RNF38: variants seen among roughly 807,000 people sequenced by gnomAD.
The protein encoded by RNF38 is E3 ubiquitin-protein ligase RNF38.
A neutral mutation model predicts 67.2 loss-of-function variants in RNF38; 15 were observed. The observed-to-expected ratio is 0.22, with a 90% CI of 0.15 to 0.34. RNF38 has a LOEUF of 0.34. RNF38 is among the 10% of genes least tolerant of loss of function. The pLI, the probability that RNF38 is intolerant of heterozygous loss-of-function variation, is 1.00. For missense variants in RNF38, 524 were observed against 639.9 expected (o/e 0.82, Z 1.95); for synonymous variants, 220 against 218.8 (o/e 1.01, Z -0.05).
intron 9 of RNF38, among the ~76,000 whole-genome samples, chr9:36,346,307 G>A (rs1038689369): frequency 6.6e-6 from 1 of 152,090 alleles, no homozygotes; most frequent in African/African-American, 2.4e-5. Context: ...CCAGGTTCAG[G>A]CGATTCTCTT....
At chr9:36,364,188 A>T (rs4879991) in intron 4 of RNF38, among the ~76,000 whole-genome samples, 1 of 152,038 alleles carries the variant, frequency 6.6e-6, no homozygotes, top group African/African-American at 2.4e-5. Flanking sequence ...GAGACAGCAA[A>T]ACCAACTCCT....
chr9:36,398,417 TA>T (rs201541583), intron 1 of RNF38, among the ~76,000 whole-genome samples: 1 of 151,904 alleles, frequency 6.6e-6, no homozygotes, highest in Non-Finnish European at 1.5e-5. Flanking sequence ...AAACTAAAAT[TA>T]AAAAAAAATT....
Position 36,353,251 on chromosome 9 carries a change from G to T in RNF38, c.990C>A (p.Ala330=). 1 of 1,612,452 alleles carries T rather than the reference G, an allele frequency of 6.2e-7. No individual in the cohort carries two copies. Among genetic ancestry groups the T allele is most frequent in the Non-Finnish European group, 8.5e-7 (1 of 1,178,742 alleles). Residue 330 remains alanine, a synonymous_variant, in exon 7 of 12, where the codon GCC becomes GCA. Coordinates refer to ENST00000259605, the MANE Select transcript of RNF38 (RefSeq NM_022781.5). ...PVGGFTYPPS[A]HPPTLPPSAP... ...CTGATGGAGGTAATGTTGGGGGGTGGGCTGATGGAGGGTAAGTAAAACCTC... is the reference window on the plus strand; with the variant it reads ...CTGATGGAGGTAATGTTGGGGGGTGTGCTGATGGAGGGTAAGTAAAACCTC...
chr9:36,428,117 A>C (rs1476956142), intron 1 of RNF38, among the ~76,000 whole-genome samples: 1 of 151,908 alleles, frequency 6.6e-6, no homozygotes, highest in Non-Finnish European at 1.5e-5. Context: ...CAGGCCTTAT[A>C]CTACAATAAA....
chr9:36,401,630 C>T (rs564595274), upstream of RNF38, among the ~76,000 whole-genome samples: 32 of 152,202 alleles, frequency 2.1e-4, no homozygotes, highest in African/African-American at 7.5e-4. Context: ...CGGCTTGGCT[C>T]CTGTCCTGAT....
At chr9:36,387,142 C>G (rs1350234684) in intron 2 of RNF38, among the ~76,000 whole-genome samples, 1 of 152,132 alleles carries the variant, frequency 6.6e-6, no homozygotes, top group Non-Finnish European at 1.5e-5. Flanking sequence ...TAATCCACCC[C>G]GTGTTTAACA....
At position 36,369,746 on chromosome 9, in the gene RNF38, A is replaced by G; in HGVS notation, c.543T>C (p.Asn181=). 1 of 1,613,720 alleles carries G rather than the reference A, an allele frequency of 6.2e-7. No individual in the cohort carries two copies. The highest frequency in any genetic ancestry group is 2.2e-5 in the East Asian group (1 of 44,868). Residue 181 remains asparagine, a synonymous_variant, in exon 4 of 12, where the codon AAT becomes AAC. Coordinates refer to ENST00000259605, the MANE Select transcript of RNF38 (RefSeq NM_022781.5). ...LHPAAHPPQQ[N]AVMVDIHDQL... is the part of the protein sequence containing the mutation. ...GATCATGTATGTCAACCATGACTGC[A>G]TTCTGCTGGGGTGGATGAGCAGCAG...
At chr9:36,380,883 A>G (rs1836163464) in intron 2 of RNF38, among the ~76,000 whole-genome samples, 1 of 152,238 alleles carries the variant, frequency 6.6e-6, no homozygotes, top group Non-Finnish European at 1.5e-5. Flanking sequence ...ACTGAAGACC[A>G]AATTTGTATT....
chr9:36,400,067 AT>A (rs1189868009), intron 1 of RNF38, 29 bp downstream of exon 1: 1 of 1,606,356 alleles, frequency 6.2e-7, no homozygotes. Context: ...AGCATATATC[AT>A]TTTTGCAACA....
intron 1 of RNF38, among the ~76,000 whole-genome samples, chr9:36,429,225 A>C (rs1838865674): frequency 6.6e-6 from 1 of 152,228 alleles, no homozygotes; most frequent in African/African-American, 2.4e-5. Context: ...ATGATGAAAA[A>C]AGAATCCCAT....
At chr9:36,482,256 T>G (rs565173566) in intron 1 of RNF38, among the ~76,000 whole-genome samples, 1 of 151,948 alleles carries the variant, frequency 6.6e-6, no homozygotes, top group Non-Finnish European at 1.5e-5. Flanking sequence ...TTTCTCCACG[T>G]TGGCCAGGCT....
intron 1 of RNF38, among the ~76,000 whole-genome samples, chr9:36,433,846 A>T (rs148168512): frequency 9.2e-5 from 14 of 152,254 alleles, no homozygotes; most frequent in African/African-American, 2.9e-4. Context: ...GAGAAGGTAT[A>T]AAAAAACAGG....
intron 1 of RNF38, among the ~76,000 whole-genome samples, chr9:36,398,761 C>T (rs1188484672): frequency 6.6e-6 from 1 of 152,188 alleles, no homozygotes; most frequent in East Asian, 1.9e-4. Flanking sequence ...TTAAGAACTA[C>T]CTTTCCAGCA....
upstream of RNF38, among the ~76,000 whole-genome samples, chr9:36,404,050 ACCTATATTATTT>A (rs1395216531): frequency 6.6e-6 from 1 of 152,058 alleles, no homozygotes; most frequent in Admixed American, 6.5e-5. Context: ...AAAGACATTC[ACCTATATTATTT>A]CCTTAGAATT....
At position 36,385,440 on chromosome 9, in the gene RNF38, G is replaced by A. The variant is rs540335478; in HGVS notation, c.162+5027C>T. Among the ~76,000 whole-genome samples the A allele has an allele frequency of 6.5e-4, 98 of 151,060 alleles. 1 individual carries two copies. The highest frequency in any genetic ancestry group is 1.3e-4 in the Non-Finnish European group (9 of 67,844). ...GTCATCCAGGCTGGAGTGCAATGGC[G>A]CGATCTCGGCTCACAGTAACCTCCG... On this transcript the variant is annotated intron_variant, in intron 2 of 11. Transcript: ENST00000259605.
chr9:36,400,947 G>A (rs1337312220), upstream of RNF38: 9 of 980,930 alleles, frequency 9.2e-6, no homozygotes, highest in African/African-American at 1.3e-4. Context: ...CCGCCTCGGC[G>A]ATCACAGACC....
At chr9:36,482,973 C>T (rs887832885) in intron 1 of RNF38, among the ~76,000 whole-genome samples, 8 of 152,200 alleles carry the variant, frequency 5.3e-5, no homozygotes, top group Non-Finnish European at 1.2e-4. Flanking sequence ...CACACAGTTC[C>T]ACACCAGGTA....
At chr9:36,420,445 T>C (rs919867765) in intron 2 of RNF38, among the ~76,000 whole-genome samples, 1 of 147,156 alleles carries the variant, frequency 6.8e-6, no homozygotes, top group African/African-American at 2.5e-5. Flanking sequence ...GGCAGGAGAA[T>C]GGAGTGAACC....
At chr9:36,359,809 A>C (rs1184621706) in intron 4 of RNF38, among the ~76,000 whole-genome samples, 1 of 150,992 alleles carries the variant, frequency 6.6e-6, no homozygotes, top group Non-Finnish European at 1.5e-5. Flanking sequence ...GCAATGGCAC[A>C]ATCTTGGCTC....
Sources: allele counts gnomAD v4.1 joint callset (sites outside exome capture counted in the v4.1 genomes callset), GRCh38; gene constraint gnomAD v4.1.1; transcripts MANE v1.5; gene names NCBI Gene and HGNC (gene_info 2026-07-23, HGNC 2026-07-21).